The following FKBP15 variants were observed in gnomAD, a reference collection of about 807,000 sequenced individuals.
FKBP15 encodes the protein FK506-binding protein 15.
FKBP15 carries 106 observed loss-of-function variants against 158.1 expected under a neutral mutation model. That is an observed-to-expected ratio of 0.67 (90% CI 0.57 to 0.79). The LOEUF is 0.79. Among genes scored for constraint, FKBP15 ranks in the 30% least tolerant of loss-of-function variants. The pLI is 0.00. For missense variants in FKBP15, 1,287 were observed against 1,479.1 expected (o/e 0.87, Z 2.13); for synonymous variants, 547 against 548.6 (o/e 1.00, Z 0.04).
chr9:113,221,266 C>G lies in FKBP15; in HGVS notation c.-23G>C, dbSNP rs908650800. The G allele has an allele frequency of 5.6e-6, 9 of 1,593,630 alleles. No homozygotes were observed. The highest frequency in any genetic ancestry group is 7.7e-6 in the Non-Finnish European group (9 of 1,170,554). On this transcript the variant is annotated 5_prime_UTR_variant, in exon 1 of 28. Transcript: ENST00000238256. ...CATTGCGTTGGCTTTCACCGGGTTG[C>G]GGGGAGGAAGCTGGGTATTCCCAGA...
chr9:113,174,521 A>G lies in FKBP15; in HGVS notation c.2286T>C (p.Asp762=), dbSNP rs1173325216. The G allele has an allele frequency of 3.7e-6, 6 of 1,613,932 alleles. No homozygotes were observed. The Admixed American group carries it at 8.3e-5, about 22-fold the overall frequency. The stretch of plus-strand genomic sequence containing the variant: ...CCTCCTGGTATGACTTGCGAATTTC[A>G]TCTATCTCCTCCTCGGCCTGAGAAC... ...QERSQAEEEI[D]EIRKSYQEEL... The change falls in exon 22 of 28, where the codon GAT becomes GAC. Residue 762 remains aspartate, a synonymous_variant. Transcript: ENST00000238256.
chr9:113,174,463 T>G lies in FKBP15; in HGVS notation c.2344A>C (p.Thr782Pro). 3 of 1,613,948 alleles carry G rather than the reference T, an allele frequency of 1.9e-6. No homozygotes were observed. The highest frequency in any genetic ancestry group is 2.5e-6 in the Non-Finnish European group (3 of 1,179,868). The change falls in exon 22 of 28, where the codon ACT becomes CCT. Residue 782 changes from threonine (T) to proline (P), a missense_variant. Transcript: ENST00000238256. ...LDKLRQLLKK[T>P]RVSTDQAAAE... ...GCTGCTTGGTCTGTGGACACTCGAG[T>G]CTTTTTCAAGAGCTGTCGAAGTTTG...
At chr9:113,174,709 G>A in intron 21 of FKBP15, 126 bp from the exon 22 acceptor site, 1 of 990,988 alleles carries the variant, frequency 1.0e-6, no homozygotes, top group Non-Finnish European at 1.4e-6. Flanking sequence ...TTTTTTAGTT[G>A]AATTTTCCCC....
chr9:113,168,900 T>G (rs1405668712), intron 26 of FKBP15, among the ~76,000 whole-genome samples: 1 of 152,158 alleles, frequency 6.6e-6, no homozygotes, highest in Non-Finnish European at 1.5e-5. Flanking sequence ...AGTATGTATT[T>G]GTTTTCTCCA....
intron 8 of FKBP15, 52 bp from the exon 9 acceptor site, chr9:113,197,130 CA>C: frequency 6.3e-7 from 1 of 1,594,604 alleles, no homozygotes. Context: ...CCTCAGAAGA[CA>C]AAGTGAAGTA....
intron 27 of FKBP15, among the ~76,000 whole-genome samples, chr9:113,167,400 GA>G (rs1219808708): frequency 6.6e-6 from 1 of 152,148 alleles, no homozygotes; most frequent in Admixed American, 6.5e-5. Context: ...CAGTCACTTA[GA>G]ATATACTCAA....
At position 113,207,362 on chromosome 9, in the gene FKBP15, C is replaced by T. The variant is rs534946240; in HGVS notation, c.170-66G>A. The T allele has an allele frequency of 4.1e-5, 42 of 1,032,136 alleles. 3 individuals carry two copies. The African/African-American group carries it at 5.6e-4, about 14-fold the overall frequency. The allele number at this position is 1,032,136 out of a possible 1,614,324, so 63.9% of individuals were successfully genotyped here. On this transcript the variant is annotated intron_variant, in intron 2 of 27. Coordinates refer to ENST00000238256, the MANE Select transcript of FKBP15 (RefSeq NM_015258.2). ...GCTTTAAACTAATTTTTTTTAAAGA[C>T]GGAGTTTCACTTTGTCACCCAGGCT...
At chr9:113,200,044 A>C in intron 6 of FKBP15, 81 bp from the exon 7 acceptor site, 3 of 1,414,986 alleles carry the variant, frequency 2.1e-6, no homozygotes, top group Non-Finnish European at 2.9e-6. Context: ...GCTCTTTCTC[A>C]AATAGCTTCA....
intron 6 of FKBP15, among the ~76,000 whole-genome samples, chr9:113,200,404 G>C (rs934088689): frequency 1.3e-5 from 2 of 152,124 alleles, no homozygotes; most frequent in Admixed American, 1.3e-4. Flanking sequence ...GAAAGAAAGG[G>C]GAGCTTTGAA....
Position 113,168,471 on chromosome 9 carries a change from C to T in FKBP15, c.3571G>A (p.Glu1191Lys). The change falls in exon 27 of 28, where the codon GAA becomes AAA. Residue 1191 changes from glutamate to lysine, a missense_variant. Glu to Lys is a moderately conservative substitution (Grantham distance 56, BLOSUM62 1). Coordinates refer to ENST00000238256, the MANE Select transcript of FKBP15 (RefSeq NM_015258.2). Reference sequence around the variant, plus strand: ...TGGGATTTCCTTACCACCTCGTCTTCATCCTCCTCCTCAGGCTGTGCTTTG... The same window carrying T: ...TGGGATTTCCTTACCACCTCGTCTTTATCCTCCTCCTCAGGCTGTGCTTTG... ...RPKAQPEEED[E>K]DEVSMKGRPP... 6.2e-7 allele frequency: 1 copy of T among 1,613,960 alleles called. No individual in the cohort carries two copies. The highest frequency in any genetic ancestry group is 8.5e-7 in the Non-Finnish European group (1 of 1,179,848).
chr9:113,203,114 A>C, intron 4 of FKBP15, 79 bp from the exon 5 acceptor site: 1 of 937,258 alleles, frequency 1.1e-6, no homozygotes, highest in Non-Finnish European at 1.6e-6. Flanking sequence ...TCAGCAATAT[A>C]AAATCAGCAA....
rs866074223 is a variant in FKBP15, at chr9:113,194,424, A to G, written c.865-255T>C. 2.1e-5 allele frequency among the ~76,000 whole-genome samples: 3 copies of G among 142,566 alleles called. No homozygotes were observed. The South Asian group carries it at 6.6e-4, about 31-fold the overall frequency. The allele number at this position is 142,566 out of a possible 152,430, so 93.5% of individuals were successfully genotyped here. A position where few individuals can be genotyped will look rare whatever the true frequency, so the allele number is the denominator to read the frequency against. On this transcript the variant is annotated intron_variant, in intron 9 of 27. Transcript: ENST00000238256. ...TAAAACTTAAAGTATAATAATAAAA[A>G]ATAAATAAATAAATAATAAATAAAT...
At chr9:113,170,897 C>T (rs1401178176) in intron 24 of FKBP15, among the ~76,000 whole-genome samples, 1 of 152,120 alleles carries the variant, frequency 6.6e-6, no homozygotes. Context: ...GCTTAAAGAC[C>T]ATTTCTTGAT....
intron 23 of FKBP15, 149 bp from the exon 24 acceptor site, chr9:113,171,855 T>A (rs4978533): frequency 0.18 from 111,565 of 636,894 alleles, 10,541 homozygotes; most frequent in Non-Finnish European, 0.19. Context: ...TCTTTTTTTT[T>A]ATTATTATTA....
At chr9:113,183,962 A>G in intron 17 of FKBP15, 117 bp from the exon 18 acceptor site, 1 of 728,712 alleles carries the variant, frequency 1.4e-6, no homozygotes, top group South Asian at 1.7e-5. Flanking sequence ...ACAAAACACT[A>G]GAACTTATGT....
At chr9:113,213,159 A>T (rs1831047056) in intron 1 of FKBP15, among the ~76,000 whole-genome samples, 1 of 152,220 alleles carries the variant, frequency 6.6e-6, no homozygotes, top group South Asian at 2.1e-4. Context: ...CCGTAATCCC[A>T]GCATTTTGGG....
chr9:113,197,539 C>A (rs765973176), intron 8 of FKBP15, among the ~76,000 whole-genome samples: 4 of 152,002 alleles, frequency 2.6e-5, no homozygotes, highest in Non-Finnish European at 4.4e-5. Flanking sequence ...TGTGGTGGTG[C>A]GCTCCTGTAG....
At chr9:113,196,836 G>A (rs1254039723) in intron 9 of FKBP15, 96 bp downstream of exon 9, 1 of 1,438,054 alleles carries the variant, frequency 7.0e-7, no homozygotes, top group Non-Finnish European at 9.4e-7. Flanking sequence ...TTCAGAACCT[G>A]GTTTTCAAGT....
At chr9:113,218,846 A>T (rs954764399) in intron 1 of FKBP15, among the ~76,000 whole-genome samples, 1 of 152,180 alleles carries the variant, frequency 6.6e-6, no homozygotes, top group Admixed American at 6.5e-5. Context: ...ACAGAACTCA[A>T]AATGCTTTCT....
Sources: allele counts gnomAD v4.1 joint callset (sites outside exome capture counted in the v4.1 genomes callset), GRCh38; gene constraint gnomAD v4.1.1; transcripts MANE v1.5; gene names NCBI Gene and HGNC (gene_info 2026-07-23, HGNC 2026-07-21).